The following USP9X variants were observed in gnomAD, a reference collection of about 807,000 sequenced individuals.
USP9X encodes ubiquitin carboxyl-terminal hydrolase 9X.
USP9X carries 7 observed loss-of-function variants against 190.3 expected under a neutral mutation model. The ratio of observed to expected loss-of-function variants is 0.04; its 90% CI spans 0.02 to 0.07. The LOEUF is 0.07. Among genes scored for constraint, USP9X ranks in the 10% least tolerant of loss-of-function variants. The pLI, the probability that USP9X is intolerant of heterozygous loss-of-function variation, is 1.00. For synonymous variants in USP9X, 645 were observed against 659.5 expected (o/e 0.98, Z 0.34); for missense variants, 1,010 against 1,916.9 (o/e 0.53, Z 8.83).
intron 33 of USP9X, among the ~76,000 whole-genome samples, chrX:41,213,649 T>C (rs2063185639): frequency 8.9e-6 from 1 of 112,285 alleles, no homozygotes; most frequent in East Asian, 2.8e-4. Flanking sequence ...CAGAAAGACT[T>C]TGCTGTCCTC....
rs779502769 is a variant in USP9X, at chrX:41,092,800, T to C, written c.-159+6691T>C. Among the ~76,000 whole-genome samples, 4 of 111,386 alleles carry C rather than the reference T, an allele frequency of 3.6e-5. No homozygotes were observed. The South Asian group carries it at 1.1e-3, about 32-fold the overall frequency. On this transcript the variant is annotated intron_variant, in intron 1 of 44. Coordinates refer to ENST00000378308, the MANE Select transcript of USP9X (RefSeq NM_001039591.3). Reference sequence around the variant, plus strand: ...AGACGTTCTGTGTGAAATCCATTCTTACCTTGTGAGCTGTACAAAAACAGG... The same window carrying C: ...AGACGTTCTGTGTGAAATCCATTCTCACCTTGTGAGCTGTACAAAAACAGG...
In USP9X at chrX:41,144,573, T is replaced by C. The variant is rs775571170; in HGVS notation, c.1366T>C (p.Leu456=). The C allele has an allele frequency of 6.6e-6, 8 of 1,211,070 alleles. No individual in the cohort carries two copies. Among genetic ancestry groups the C allele is most frequent in the Non-Finnish European group, 8.9e-6 (8 of 895,165 alleles). Reference sequence around the variant, plus strand: ...GAATGTACATGATCTCCTGGCAAAATTGGCATGGGATTTTTCTCCTGAACA... The same window carrying C: ...GAATGTACATGATCTCCTGGCAAAACTGGCATGGGATTTTTCTCCTGAACA... ...VKNVHDLLAK[L]AWDFSPEQLD... is the part of the protein sequence containing the mutation. The change falls in exon 11 of 45, where the codon TTG becomes CTG. Residue 456 remains leucine, a synonymous_variant. Transcript: ENST00000378308.
rs759839727 is a variant in USP9X, at chrX:41,169,986, T to TC, written c.2637-3dup. 5.0e-6 allele frequency: 6 copies of TC among 1,207,191 alleles called. No homozygotes were observed. Among genetic ancestry groups the TC allele is most frequent in the South Asian group, 1.8e-5 (1 of 56,194 alleles). On this transcript the variant is annotated splice_polypyrimidine_tract_variant and intron_variant, in intron 18 of 44. Coordinates refer to ENST00000378308, the MANE Select transcript of USP9X (RefSeq NM_001039591.3). Reference sequence around the variant, plus strand: ...ATATGATGATGTCTGTCTTTCTTTTTCCCCCCAGAGCATTCCGCGGTAAAC... The same window carrying TC: ...ATATGATGATGTCTGTCTTTCTTTTTCCCCCCCAGAGCATTCCGCGGTAAAC...
At chrX:41,177,419 T>C (rs1234490379) in intron 21 of USP9X, among the ~76,000 whole-genome samples, 1 of 112,211 alleles carries the variant, frequency 8.9e-6, no homozygotes, top group African/African-American at 3.2e-5. Context: ...TTGGGTCTTA[T>C]CTGTTCTGAT....
intron 18 of USP9X, among the ~76,000 whole-genome samples, chrX:41,168,502 G>T (rs769270210): frequency 8.9e-6 from 1 of 111,795 alleles, no homozygotes; most frequent in Non-Finnish European, 1.9e-5. Context: ...CAGTTGAAGT[G>T]TTTTTGTTTA....
intron 41 of USP9X, 103 bp downstream of exon 41, chrX:41,225,240 G>C: frequency 1.4e-6 from 1 of 713,116 alleles, no homozygotes; most frequent in South Asian, 2.8e-5. Context: ...TGGAGTTCTA[G>C]TGAATGTTTT....
intron 1 of USP9X, among the ~76,000 whole-genome samples, chrX:41,106,380 T>C (rs1281551862): frequency 9.0e-6 from 1 of 111,427 alleles, no homozygotes; most frequent in Non-Finnish European, 1.9e-5. Flanking sequence ...ACACAATGCA[T>C]TTTAAGTCAG....
intron 16 of USP9X, chrX:41,167,027 A>T (rs985568077): frequency 8.6e-6 from 1 of 116,099 alleles, no homozygotes; most frequent in Admixed American, 9.5e-5. Context: ...CACTTCCTCA[A>T]AGTCCCCTAG....
intron 32 of USP9X, among the ~76,000 whole-genome samples, chrX:41,207,454 T>C (rs1344612390): frequency 3.6e-5 from 4 of 111,888 alleles, no homozygotes; most frequent in African/African-American, 9.7e-5. Flanking sequence ...TTTCATTTAA[T>C]AGCTAGAAAA....
At chrX:41,108,917 G>A (rs1343212269) in intron 1 of USP9X, among the ~76,000 whole-genome samples, 1 of 111,298 alleles carries the variant, frequency 9.0e-6, no homozygotes, top group Non-Finnish European at 1.9e-5. Context: ...AAGAGCCCCA[G>A]ACTTCTTAGC....
chrX:41,205,619 C>A, intron 32 of USP9X, 126 bp downstream of exon 32: 1 of 595,080 alleles, frequency 1.7e-6, no homozygotes. Context: ...TTCAAACTGT[C>A]CTTAATTGGG....
At chrX:41,127,606 T>C (rs1416186510) in intron 2 of USP9X, among the ~76,000 whole-genome samples, 5 of 112,383 alleles carry the variant, frequency 4.4e-5, no homozygotes, top group Non-Finnish European at 1.9e-5. Context: ...CGTGCTGTAG[T>C]TTCCTGTGCC....
chrX:41,226,344 G>A (rs996619473), intron 41 of USP9X, among the ~76,000 whole-genome samples: 1 of 111,494 alleles, frequency 9.0e-6, no homozygotes, highest in Admixed American at 9.6e-5. Context: ...AATCCCAAGA[G>A]TTATATAATA....
chrX:41,151,022 T>C lies in USP9X; in HGVS notation c.1728T>C (p.Ile576=). The C allele has an allele frequency of 8.3e-7, 1 of 1,204,522 alleles. No individual in the cohort carries two copies. Among genetic ancestry groups the C allele is most frequent in the East Asian group, 3.0e-5 (1 of 33,666 alleles). The change falls in exon 13 of 45, where the codon ATT becomes ATC. Residue 576 remains isoleucine, a synonymous_variant. Transcript: ENST00000378308. ...VIPALKQIRE[I]CSLFGEAPQN... ...CCGCACTGAAACAAATTAGAGAAAT[T>C]TGTAGTTTGTTTGGTGAAGCGCCTC...
At chrX:41,094,929 A>G (rs1012037424) in intron 1 of USP9X, among the ~76,000 whole-genome samples, 5 of 109,005 alleles carry the variant, frequency 4.6e-5, no homozygotes, top group African/African-American at 1.7e-4. Context: ...AATCCCAGCT[A>G]CTCAGGAGGC....
chrX:41,160,926 G>T (rs2062624066), intron 14 of USP9X, among the ~76,000 whole-genome samples: 1 of 111,553 alleles, frequency 9.0e-6, no homozygotes, highest in Admixed American at 9.6e-5. Context: ...GATTAAATCA[G>T]TGCTCCTCCG....
At chrX:41,133,010 AAGC>A (rs754546377) in intron 4 of USP9X, among the ~76,000 whole-genome samples, 2 of 112,132 alleles carry the variant, frequency 1.8e-5, no homozygotes, top group Admixed American at 1.9e-4. Flanking sequence ...GCAGATTAAA[AAGC>A]AGTAACATTT....
At chrX:41,115,773 G>C (rs755201336) in intron 1 of USP9X, among the ~76,000 whole-genome samples, 3 of 111,093 alleles carry the variant, frequency 2.7e-5, no homozygotes, top group Non-Finnish European at 5.7e-5. Context: ...CTTTTTTTTG[G>C]ATGAAAAGAA....
chrX:41,159,712 A>G (rs1280220139), intron 14 of USP9X, among the ~76,000 whole-genome samples: 1 of 110,007 alleles, frequency 9.1e-6, no homozygotes, highest in African/African-American at 3.3e-5. Context: ...TTTTTGTAGA[A>G]ACGGTTTCGC....
Sources: allele counts gnomAD v4.1 joint callset (sites outside exome capture counted in the v4.1 genomes callset), GRCh38; gene constraint gnomAD v4.1.1; transcripts MANE v1.5; gene names NCBI Gene and HGNC (gene_info 2026-07-23, HGNC 2026-07-21).